FFAR4: variants seen among roughly 807,000 people sequenced by gnomAD.
FFAR4 encodes G-protein coupled receptor 120.
Under a neutral mutation model 27.0 loss-of-function variants are expected in FFAR4, and 19 were observed. The observed-to-expected ratio is 0.70, with a 90% CI of 0.49 to 1.03. The LOEUF is 1.03. Among genes scored for constraint, FFAR4 ranks in the 50% least tolerant of loss-of-function variants. The pLI is 0.00. For missense variants in FFAR4, 476 were observed against 479.0 expected (o/e 0.99, Z 0.06); for synonymous variants, 254 against 215.6 (o/e 1.18, Z -1.56).
At chr10:93,567,594 A>C (rs2058106699) in intron 1 of FFAR4, among the ~76,000 whole-genome samples, 1 of 152,222 alleles carries the variant, frequency 6.6e-6, no homozygotes, top group South Asian at 2.1e-4. Flanking sequence ...CAGGGTGGCC[A>C]AACACTTTGT....
rs1375972131 is a variant in FFAR4 at position 93,566,812 on chromosome 10, T to C, written c.92T>C (p.Val31Ala). 6.2e-7 allele frequency: 1 copy of C among 1,606,376 alleles called. No individual in the cohort carries two copies. ...NRTRFPFFSD[V>A]KGDHRLVLAA... ...ACCCGCTTTCCCTTCTTCTCCGACG[T>C]CAAGGGCGACCACCGGCTGGTGCTG... Residue 31 changes from valine to alanine, a missense_variant, in exon 1 of 3, where the codon GTC becomes GCC. Transcript: ENST00000371481.
intron 1 of FFAR4, among the ~76,000 whole-genome samples, chr10:93,568,853 G>T (rs1312531396): frequency 6.6e-6 from 1 of 152,164 alleles, no homozygotes; most frequent in Admixed American, 6.5e-5. Flanking sequence ...ATAGGCAGGA[G>T]CCCCATCAAG....
intron 1 of FFAR4, among the ~76,000 whole-genome samples, chr10:93,573,148 G>A (rs1466617416): frequency 4.6e-5 from 7 of 152,136 alleles, no homozygotes; most frequent in Admixed American, 3.9e-4. Context: ...GTGTCCTAGC[G>A]CTTCTCTGCC....
At chr10:93,575,316 T>G in intron 1 of FFAR4, among the ~76,000 whole-genome samples, 1 of 152,242 alleles carries the variant, frequency 6.6e-6, no homozygotes, top group East Asian at 1.9e-4. Flanking sequence ...TTCATTGGCC[T>G]ATTTATTCAT....
rs764433364 is a variant in FFAR4, at chr10:93,587,810, G to T, written c.*201G>T. 17 of 548,880 alleles carry T rather than the reference G, an allele frequency of 3.1e-5. No homozygotes were observed. The highest frequency in any genetic ancestry group is 5.1e-5 in the Non-Finnish European group (16 of 315,386). 34.0% of individuals were successfully genotyped at this position (548,880 alleles called of 1,614,324 possible). On this transcript the variant is annotated 3_prime_UTR_variant, in exon 3 of 3. Coordinates refer to ENST00000371481, the MANE Select transcript of FFAR4 (RefSeq NM_001195755.2). ...CTTTATAAAAGGATTTGTTGGCCAG[G>T]TGCAGTGGTTCATGCCTGTAATCCC...
intron 1 of FFAR4, among the ~76,000 whole-genome samples, chr10:93,573,714 T>C (rs891751496): frequency 6.6e-6 from 1 of 152,188 alleles, no homozygotes; most frequent in African/African-American, 2.4e-5. Context: ...AGAGTTCTTA[T>C]CTTACTTCCT....
chr10:93,577,928 G>T lies in FFAR4; in HGVS notation c.696+1709G>T, dbSNP rs116107894. ...GAAGTGCTTGGGGGAAGGGAGGTGG[G>T]CTAAAAACCGAGCAAGACACATTCT... On this transcript the variant is annotated intron_variant, in intron 2 of 2. Coordinates refer to ENST00000371481, the MANE Select transcript of FFAR4 (RefSeq NM_001195755.2). 8.5e-3 allele frequency among the ~76,000 whole-genome samples: 1,294 copies of T among 152,178 alleles called. 17 individuals carry two copies. Among genetic ancestry groups the T allele is most frequent in the African/African-American group, 0.029 (1,184 of 41,510 alleles).
chr10:93,585,471 G>T (rs1589680067), intron 2 of FFAR4, among the ~76,000 whole-genome samples: 1 of 152,312 alleles, frequency 6.6e-6, no homozygotes, highest in East Asian at 1.9e-4. Flanking sequence ...TGACACCTAT[G>T]TCTGATTTAC....
rs375239193 is a variant in FFAR4 at position 93,583,277 on chromosome 10, G to C, written c.697-3943G>C. ...AAAAAAAAAAAAAAATTAGCCGGGC[G>C]TGATGGCGGGCGCCTGTAGTCCCAG... On this transcript the variant is annotated intron_variant, in intron 2 of 2. Transcript: ENST00000371481. Among the ~76,000 whole-genome samples the C allele has an allele frequency of 4.6e-5, 7 of 150,792 alleles. No homozygotes were observed. The East Asian group carries it at 1.4e-3, about 29-fold the overall frequency.
chr10:93,587,208 G>T lies in FFAR4; in HGVS notation c.697-12G>T, dbSNP rs1265278554. 2 of 1,604,940 alleles carry T rather than the reference G, an allele frequency of 1.2e-6. No homozygotes were observed. Among genetic ancestry groups the T allele is most frequent in the Admixed American group, 1.7e-5 (1 of 59,328 alleles). ...TCACCTGTGGCTCCAGTCCTGTTTT[G>T]GTTTTCCACAGATCACAAAGGCATC... On this transcript the variant is annotated splice_polypyrimidine_tract_variant and intron_variant, in intron 2 of 2. Transcript: ENST00000371481.
chr10:93,587,267 G>A lies in FFAR4; in HGVS notation c.744G>A (p.Ser248=), dbSNP rs74335440. 9.8e-4 allele frequency: 1,585 copies of A among 1,614,026 alleles called. 6 individuals are homozygous for A. In the African/African-American group the frequency reaches 0.014, roughly 14 times the overall value. The part of the protein sequence containing the change: ...RKRLTVSLAY[S]ESHQIRVSQQ... ...GGCTCACGGTAAGCCTGGCCTACTCGGAGAGCCACCAGATCCGCGTGTCCC... is the reference window on the plus strand; with the variant it reads ...GGCTCACGGTAAGCCTGGCCTACTCAGAGAGCCACCAGATCCGCGTGTCCC... Residue 248 remains serine (S), a synonymous_variant, in exon 3 of 3, where the codon TCG becomes TCA. Transcript: ENST00000371481.
At chr10:93,575,989 G>A in intron 1 of FFAR4, 102 bp from the exon 2 acceptor site, 1 of 1,139,244 alleles carries the variant, frequency 8.8e-7, no homozygotes, top group Non-Finnish European at 1.3e-6. Context: ...GTGTAACTGG[G>A]CAATGCAACC....
intron 1 of FFAR4, among the ~76,000 whole-genome samples, chr10:93,570,696 A>G (rs2058127199): frequency 6.6e-6 from 1 of 152,230 alleles, no homozygotes; most frequent in African/African-American, 2.4e-5. Flanking sequence ...TCTCTTGTCC[A>G]TGTGGGCTGT....
intron 2 of FFAR4, among the ~76,000 whole-genome samples, chr10:93,577,413 G>A (rs922861637): frequency 3.9e-5 from 6 of 152,114 alleles, no homozygotes; most frequent in African/African-American, 1.4e-4. Context: ...CCATAGCCAG[G>A]CCAACCTCCA....
intron 1 of FFAR4, 43 bp downstream of exon 1, chr10:93,567,330 G>T (rs2058105138): frequency 6.4e-7 from 1 of 1,556,386 alleles, no homozygotes. Flanking sequence ...TCCTGCGCAG[G>T]CTGGGAAGCG....
At chr10:93,581,336 C>T (rs1245868568) in intron 2 of FFAR4, among the ~76,000 whole-genome samples, 1 of 152,134 alleles carries the variant, frequency 6.6e-6, no homozygotes, top group African/African-American at 2.4e-5. Context: ...GCTTTGGGGG[C>T]CTGCATGCTG....
chr10:93,579,291 G>T (rs1199143223), intron 2 of FFAR4: 2 of 1,204,190 alleles, frequency 1.7e-6, no homozygotes, highest in Non-Finnish European at 1.2e-6. Context: ...GGCCCTGTGT[G>T]GTCTGGCCCC....
At chr10:93,579,283 C>A (rs1199132873) in intron 2 of FFAR4, 2 of 1,279,786 alleles carry the variant, frequency 1.6e-6, no homozygotes, top group Non-Finnish European at 2.3e-6. Flanking sequence ...CACCTTAAGG[C>A]CCTGTGTGGT....
At chr10:93,580,492 G>T (rs2058190913) in intron 2 of FFAR4, among the ~76,000 whole-genome samples, 1 of 152,186 alleles carries the variant, frequency 6.6e-6, no homozygotes, top group Non-Finnish European at 1.5e-5. Flanking sequence ...TGTTAGAAAG[G>T]GTTTGGGAAA....
Sources: allele counts gnomAD v4.1 joint callset (sites outside exome capture counted in the v4.1 genomes callset), GRCh38; gene constraint gnomAD v4.1.1; transcripts MANE v1.5; gene names NCBI Gene and HGNC (gene_info 2026-07-23, HGNC 2026-07-21).